Variants in DAPK1 observed in about 807,000 individuals in gnomAD.
DAPK1 encodes death-associated protein kinase 1.
In DAPK1, 56 loss-of-function variants were observed where a neutral mutation model predicts 144.9. The observed-to-expected ratio is 0.39, with a 90% CI of 0.31 to 0.48. The LOEUF (loss-of-function observed/expected upper bound fraction) is 0.48. Among genes scored for constraint, DAPK1 ranks in the 20% least tolerant of loss-of-function variants. DAPK1 has a pLI of 0.95. For missense variants in DAPK1, 1,454 were observed against 1,875.4 expected (o/e 0.78, Z 4.15); for synonymous variants, 690 against 749.0 (o/e 0.92, Z 1.29).
At position 87,647,293 on chromosome 9, in the gene DAPK1, A is replaced by G; in HGVS notation, c.1231-12A>G. ...TCCCTAGAAATGTGACCCCAGGTTG[A>G]TTTTCCTGCAGGGCGGGTCCAATGC... On this transcript the variant is annotated splice_polypyrimidine_tract_variant and intron_variant, in intron 13 of 25. Coordinates refer to ENST00000408954, the MANE Select transcript of DAPK1 (RefSeq NM_004938.4). The G allele has an allele frequency of 6.2e-7, 1 of 1,612,930 alleles. No individual in the cohort carries two copies. Among genetic ancestry groups the G allele is most frequent in the Non-Finnish European group, 8.5e-7 (1 of 1,179,060 alleles).
At chr9:87,550,189 C>A (rs899732122) in intron 2 of DAPK1, among the ~76,000 whole-genome samples, 1 of 152,190 alleles carries the variant, frequency 6.6e-6, no homozygotes, top group African/African-American at 2.4e-5. Context: ...ATCATTCCCA[C>A]CCCCATCCCT....
intron 2 of DAPK1, among the ~76,000 whole-genome samples, chr9:87,523,271 A>G (rs903734952): frequency 3.3e-5 from 5 of 152,144 alleles, no homozygotes; most frequent in African/African-American, 1.2e-4. Context: ...TGGGTTTTGT[A>G]TCACAGTTAG....
chr9:87,701,784 C>G (rs1416423104), intron 24 of DAPK1: 1 of 430,676 alleles, frequency 2.3e-6, no homozygotes, highest in Non-Finnish European at 4.9e-6. Context: ...GCACCAGATT[C>G]TGGTTCTAGA....
At chr9:87,535,587 A>G (rs1171424104) in intron 2 of DAPK1, among the ~76,000 whole-genome samples, 2 of 152,152 alleles carry the variant, frequency 1.3e-5, no homozygotes, top group Non-Finnish European at 2.9e-5. Flanking sequence ...TTTTTCTCCA[A>G]GAAAGTTTAG....
At chr9:87,536,923 G>A (rs1825879768) in intron 2 of DAPK1, among the ~76,000 whole-genome samples, 1 of 151,910 alleles carries the variant, frequency 6.6e-6, no homozygotes, top group Non-Finnish European at 1.5e-5. Context: ...TACCATCAGA[G>A]CAGTAATAGT....
Position 87,645,936 on chromosome 9 carries a change from C to A in DAPK1, c.1053C>A (p.Ala351=). ...DSFVMKAIIH[A]INDDNVPGLQ... Reference sequence around the variant, plus strand: ...TTGTGATGAAAGCCATCATCCATGCCATCAACGATGACAATGTCCCAGGCC... The same window carrying A: ...TTGTGATGAAAGCCATCATCCATGCAATCAACGATGACAATGTCCCAGGCC... The change falls in exon 12 of 26, where the codon GCC becomes GCA. Residue 351 remains alanine (A), a synonymous_variant. Coordinates refer to ENST00000408954, the MANE Select transcript of DAPK1 (RefSeq NM_004938.4). 7 of 1,614,010 alleles carry A rather than the reference C, an allele frequency of 4.3e-6. No homozygotes were observed. Among genetic ancestry groups the A allele is most frequent in the Non-Finnish European group, 5.9e-6 (7 of 1,179,952 alleles).
At chr9:87,631,374 G>A (rs1829686761) in intron 3 of DAPK1, among the ~76,000 whole-genome samples, 1 of 152,170 alleles carries the variant, frequency 6.6e-6, no homozygotes, top group Non-Finnish European at 1.5e-5. Context: ...TGTTTTTAAT[G>A]TAGTGACATG....
chr9:87,544,579 A>C (rs548211972), intron 2 of DAPK1, among the ~76,000 whole-genome samples: 2 of 152,284 alleles, frequency 1.3e-5, no homozygotes, highest in Non-Finnish European at 2.9e-5. Context: ...GTTCCTTGCA[A>C]ACACAATATG....
intron 3 of DAPK1, among the ~76,000 whole-genome samples, chr9:87,637,104 T>TG (rs1292553746): frequency 6.6e-6 from 1 of 152,064 alleles, no homozygotes; most frequent in Non-Finnish European, 1.5e-5. Flanking sequence ...ATTCTTTTTT[T>TG]TTGTTTTTTT....
Position 87,702,742 on chromosome 9 carries a change from C to G in DAPK1, c.2872-287C>G, listed in dbSNP as rs1564078864. Among the ~76,000 whole-genome samples, 3 of 152,160 alleles carry G rather than the reference C, an allele frequency of 2.0e-5. No homozygotes were observed. In the East Asian group the frequency reaches 5.8e-4, roughly 29 times the overall value. ...AAAGACAACTGCCCCAGTACTCAAC[C>G]CAAAAAACACAAACTAGCCAGACAC... On this transcript the variant is annotated intron_variant, in intron 24 of 25. Transcript: ENST00000408954.
chr9:87,529,287 G>A (rs1300659247), intron 2 of DAPK1, among the ~76,000 whole-genome samples: 2 of 152,120 alleles, frequency 1.3e-5, no homozygotes, highest in Admixed American at 1.3e-4. Flanking sequence ...AGTCTCTTCT[G>A]CCTTAGGCCC....
intron 14 of DAPK1, among the ~76,000 whole-genome samples, chr9:87,647,850 C>CT (rs568413347): frequency 1.1e-4 from 16 of 151,952 alleles, no homozygotes; most frequent in African/African-American, 2.4e-4. Flanking sequence ...TAAAGTAAGG[C>CT]TTTTTTTTGG....
intron 19 of DAPK1, chr9:87,668,902 C>G (rs1235393609): frequency 2.0e-6 from 1 of 504,322 alleles, no homozygotes; most frequent in Non-Finnish European, 3.6e-6. Context: ...TTTGCAGTTG[C>G]CGTGCCTGGT....
At chr9:87,518,191 A>C (rs12377524) in intron 2 of DAPK1, among the ~76,000 whole-genome samples, 77,868 of 146,556 alleles carry the variant, frequency 0.53, 22,534 homozygotes, top group South Asian at 0.74. Context: ...GGCTCACTGC[A>C]ACCTCCACCT....
chr9:87,540,533 C>G (rs546967891), intron 2 of DAPK1, among the ~76,000 whole-genome samples: 16 of 152,234 alleles, frequency 1.1e-4, no homozygotes, highest in African/African-American at 3.6e-4. Flanking sequence ...AATTAAACTT[C>G]ATCACAGGTC....
At chr9:87,511,067 C>T (rs1824821008) in intron 2 of DAPK1, among the ~76,000 whole-genome samples, 1 of 152,182 alleles carries the variant, frequency 6.6e-6, no homozygotes, top group Non-Finnish European at 1.5e-5. Flanking sequence ...CTGCCCTGGC[C>T]TCCCACAGGC....
At chr9:87,704,696 G>A (rs191189112) in intron 25 of DAPK1, among the ~76,000 whole-genome samples, 7 of 152,224 alleles carry the variant, frequency 4.6e-5, no homozygotes, top group East Asian at 1.9e-4. Context: ...AGCAAATGCT[G>A]TATCAGGAAC....
At position 87,700,249 on chromosome 9, in the gene DAPK1, A is replaced by G; in HGVS notation, c.2871+12A>G. 9 of 1,609,196 alleles carry G rather than the reference A, an allele frequency of 5.6e-6. No individual in the cohort carries two copies. The highest frequency in any genetic ancestry group is 7.7e-6 in the Non-Finnish European group (9 of 1,175,534). ...GCCAGATTGTTTCGGTAAGTACACC[A>G]TGGAAAGAGCCTGGACCCCTTTGTA... On this transcript the variant is annotated intron_variant, in intron 24 of 25. Coordinates refer to ENST00000408954, the MANE Select transcript of DAPK1 (RefSeq NM_004938.4).
chr9:87,561,670 GCTC>G (rs1411119248), intron 2 of DAPK1, among the ~76,000 whole-genome samples: 1 of 152,160 alleles, frequency 6.6e-6, no homozygotes, highest in Non-Finnish European at 1.5e-5. Flanking sequence ...GGATTCCCCT[GCTC>G]CATGGAAGTT....
Sources: gnomAD v4.1 joint callset for allele counts (sites outside exome capture counted in the v4.1 genomes callset) on GRCh38, gnomAD v4.1.1 for gene constraint, MANE v1.5 for transcripts, NCBI Gene and HGNC (gene_info 2026-07-23, HGNC 2026-07-21) for gene names.